SFXN5: variants seen among roughly 807,000 people sequenced by gnomAD.
The protein encoded by SFXN5 is sideroflexin 5, also known as sideroflexin-5.
SFXN5 carries 43 observed loss-of-function variants against 50.2 expected under a neutral mutation model. The observed-to-expected ratio is 0.86, with a 90% CI of 0.67 to 1.11. The LOEUF is 1.11. Ranked by LOEUF, SFXN5 falls within the 50% of genes least tolerant of loss-of-function variation. The probability of loss-of-function intolerance (pLI) is 0.00; values close to 1 mark genes in which losing one functional copy is unlikely to be tolerated. For missense variants in SFXN5, 463 were observed against 454.1 expected (o/e 1.02, Z -0.18); for synonymous variants, 203 against 185.8 (o/e 1.09, Z -0.75).
chr2:72,970,675 C>T (rs1675051390), intron 11 of SFXN5, among the ~76,000 whole-genome samples: 1 of 151,880 alleles, frequency 6.6e-6, no homozygotes, highest in Non-Finnish European at 1.5e-5. Context: ...GAGATGTACA[C>T]ATGGACTCAT....
chr2:73,029,039 C>T (rs1013505666), intron 3 of SFXN5, among the ~76,000 whole-genome samples: 1 of 152,186 alleles, frequency 6.6e-6, no homozygotes, highest in Admixed American at 6.5e-5. Flanking sequence ...TGATTCCCAG[C>T]CTCCCCCGCA....
At chr2:73,032,445 G>C (rs1002848719) in intron 3 of SFXN5, among the ~76,000 whole-genome samples, 2 of 152,230 alleles carry the variant, frequency 1.3e-5, no homozygotes, top group African/African-American at 4.8e-5. Flanking sequence ...AGCAGGTGTG[G>C]AGAAGCAATC....
chr2:73,020,249 C>T lies in SFXN5; in HGVS notation c.347G>A (p.Gly116Glu), dbSNP rs758300941. The change falls in exon 6 of 14, where the codon GGG becomes GAG. Residue 116 changes from glycine (G) to glutamate (E), a missense_variant. Coordinates refer to ENST00000272433, the MANE Select transcript of SFXN5 (RefSeq NM_144579.3). ...PFRMSGYIPF[G>E]TPIVVGLLLP... Reference sequence around the variant, plus strand: ...GAAGGTAACACTTACAATTGGCGTCCCAAAAGGAATATAACCTGTGAACGA... The same window carrying T: ...GAAGGTAACACTTACAATTGGCGTCTCAAAAGGAATATAACCTGTGAACGA... 1 of 1,613,858 alleles carries T rather than the reference C, an allele frequency of 6.2e-7. No homozygotes were observed.
At chr2:72,949,308 AC>A (rs1161991992) in intron 13 of SFXN5, among the ~76,000 whole-genome samples, 1 of 151,900 alleles carries the variant, frequency 6.6e-6, no homozygotes, top group Non-Finnish European at 1.5e-5. Flanking sequence ...GCAGGAGTGG[AC>A]CATAACCCAG....
At chr2:72,965,923 G>A (rs1674342779) in intron 12 of SFXN5, among the ~76,000 whole-genome samples, 1 of 152,194 alleles carries the variant, frequency 6.6e-6, no homozygotes, top group Admixed American at 6.5e-5. Flanking sequence ...CAGGATAGCT[G>A]TAGGATGTGT....
At chr2:72,983,974 T>TA (rs1464005780) in intron 10 of SFXN5, among the ~76,000 whole-genome samples, 1 of 152,138 alleles carries the variant, frequency 6.6e-6, no homozygotes, top group Non-Finnish European at 1.5e-5. Context: ...CCCAAACCAT[T>TA]AACTTCACCT....
Position 72,961,137 on chromosome 2 carries a change from C to T in SFXN5, c.939G>A (p.Met313Ile). ...TGAGCCCCTCCCCACTGACCTCTGA[C>T]ATTTGCGGGAAGAGGCTGATGGCCA... ...LPLAISLFPQ[M>I]SEIETSQLEP... Residue 313 changes from methionine to isoleucine, a missense_variant, in exon 13 of 14, where the codon ATG becomes ATA. By Grantham distance (10) the Met-to-Ile change is conservative. Transcript: ENST00000272433. This position sits in a 1 kb window ranked among gnomAD's most constrained non-coding sequence, Gnocchi z 4.4. The T allele has an allele frequency of 6.3e-7, 1 of 1,583,842 alleles. No homozygotes were observed. The highest frequency in any genetic ancestry group is 8.6e-7 in the Non-Finnish European group (1 of 1,166,534).
In SFXN5 at chr2:72,961,047, A is replaced by T; in HGVS notation, c.945+84T>A. 1.0e-6 allele frequency: 1 copy of T among 998,150 alleles called. No individual in the cohort carries two copies. The highest frequency in any genetic ancestry group is 1.4e-6 in the Non-Finnish European group (1 of 707,924). 61.8% of individuals were successfully genotyped at this position (998,150 alleles called of 1,614,324 possible). ...CCCAGCGCCTAGCATGGCGCTAAGG[A>T]GTCGGCACGGTATGAGTATTTGTTC... On this transcript the variant is annotated intron_variant, in intron 13 of 13. Transcript: ENST00000272433. The surrounding 1 kb of genome is among the most constrained non-coding windows in gnomAD (Gnocchi z 4.4).
intron 1 of SFXN5, among the ~76,000 whole-genome samples, chr2:73,064,989 G>A (rs1683071295): frequency 6.6e-6 from 1 of 152,142 alleles, no homozygotes; most frequent in Non-Finnish European, 1.5e-5. Flanking sequence ...GTTTCGCCAT[G>A]TTGCCTGGAC....
intron 1 of SFXN5, among the ~76,000 whole-genome samples, chr2:73,068,458 G>A (rs1683330526): frequency 1.3e-5 from 2 of 152,178 alleles, no homozygotes; most frequent in Admixed American, 6.5e-5. Flanking sequence ...ACTCTGGGAT[G>A]TCTCAGCACT....
chr2:72,969,700 T>C (rs930899842), intron 11 of SFXN5, among the ~76,000 whole-genome samples: 1 of 150,880 alleles, frequency 6.6e-6, no homozygotes, highest in Non-Finnish European at 1.5e-5. Flanking sequence ...CGGCCTACTT[T>C]TTTTTTTTTT....
At chr2:72,954,115 G>A (rs1423927741) in intron 13 of SFXN5, among the ~76,000 whole-genome samples, 6 of 152,182 alleles carry the variant, frequency 3.9e-5, no homozygotes, top group African/African-American at 1.4e-4. Flanking sequence ...AGGCCAGGAC[G>A]AGACAAGGCT....
chr2:73,066,622 G>A (rs1353454568), intron 1 of SFXN5, among the ~76,000 whole-genome samples: 1 of 152,006 alleles, frequency 6.6e-6, no homozygotes, highest in Non-Finnish European at 1.5e-5. Context: ...GGGACTTATG[G>A]GATCCTGATT....
At chr2:72,988,075 G>C (rs1214616055) in intron 10 of SFXN5, among the ~76,000 whole-genome samples, 183 bp downstream of exon 10, 2 of 152,256 alleles carry the variant, frequency 1.3e-5, no homozygotes, top group African/African-American at 4.8e-5. Context: ...CAGAATCTCA[G>C]CACAGAGCTG....
chr2:72,988,193 C>A, intron 10 of SFXN5, 65 bp downstream of exon 10: 1 of 1,471,238 alleles, frequency 6.8e-7, no homozygotes, highest in African/African-American at 1.4e-5. Context: ...CATCTGTCTC[C>A]CTGGGAGCCC....
intron 3 of SFXN5, among the ~76,000 whole-genome samples, chr2:73,031,123 T>G (rs1359973248): frequency 6.6e-6 from 1 of 152,192 alleles, no homozygotes; most frequent in Non-Finnish European, 1.5e-5. Context: ...CATGTCCTAT[T>G]GTGTTGTCCA....
chr2:73,052,697 G>A (rs953250815), intron 2 of SFXN5, among the ~76,000 whole-genome samples: 2 of 151,970 alleles, frequency 1.3e-5, no homozygotes, highest in East Asian at 1.9e-4. Flanking sequence ...TTCCATCTTC[G>A]GTCCATAATT....
chr2:73,021,645 G>A (rs1300545069), intron 5 of SFXN5, among the ~76,000 whole-genome samples: 2 of 152,180 alleles, frequency 1.3e-5, no homozygotes, highest in East Asian at 1.9e-4. Context: ...CTCTCTGGGG[G>A]TGGCGACCCT....
chr2:72,947,414 G>A (rs942885615), intron 13 of SFXN5, among the ~76,000 whole-genome samples: 2 of 152,252 alleles, frequency 1.3e-5, no homozygotes, highest in African/African-American at 4.8e-5. Flanking sequence ...GGGGGCAGGT[G>A]AGAAAGACAC....
Sources: allele counts gnomAD v4.1 joint callset (sites outside exome capture counted in the v4.1 genomes callset), GRCh38; gene constraint gnomAD v4.1.1; non-coding constraint Gnocchi (gnomAD v3.1); transcripts MANE v1.5; gene names NCBI Gene and HGNC (gene_info 2026-07-23, HGNC 2026-07-21).